The following CNTN4 variants were observed in gnomAD, a reference collection of about 807,000 sequenced individuals.
CNTN4 encodes the protein contactin-4.
A neutral mutation model predicts 122.5 loss-of-function variants in CNTN4; 77 were observed. That is an observed-to-expected ratio of 0.63 (90% CI 0.52 to 0.76). The LOEUF (loss-of-function observed/expected upper bound fraction) is 0.76, where lower values mean the gene tolerates loss of function less well. Among genes scored for constraint, CNTN4 ranks in the 30% least tolerant of loss-of-function variants. The probability of loss-of-function intolerance (pLI) is 0.00; values close to 1 mark genes in which losing one functional copy is unlikely to be tolerated. For synonymous variants in CNTN4, 512 were observed against 447.0 expected (o/e 1.15, Z -1.83); for missense variants, 1,256 against 1,259.1 (o/e 1.00, Z 0.04).
intron 8 of CNTN4, among the ~76,000 whole-genome samples, chr3:2,873,538 A>G (rs2093809949): frequency 6.6e-6 from 1 of 152,230 alleles, no homozygotes; most frequent in Non-Finnish European, 1.5e-5. Context: ...TTAAAATAGA[A>G]AGCAGAAAAC....
At chr3:2,434,047 T>G (rs992623706) in intron 3 of CNTN4, among the ~76,000 whole-genome samples, 1 of 152,060 alleles carries the variant, frequency 6.6e-6, no homozygotes, top group Non-Finnish European at 1.5e-5. Flanking sequence ...GGGTGCAAAG[T>G]TTAATTTAGA....
intron 6 of CNTN4, among the ~76,000 whole-genome samples, chr3:2,763,903 A>G (rs894996934): frequency 6.7e-6 from 1 of 150,328 alleles, no homozygotes; most frequent in Admixed American, 6.6e-5. Context: ...TATAGTTTGA[A>G]GTTGGGTAGC....
At chr3:3,007,898 C>A (rs9815505) in intron 14 of CNTN4, among the ~76,000 whole-genome samples, 41,006 of 151,960 alleles carry the variant, frequency 0.27, 6,070 homozygotes, top group African/African-American at 0.38. Flanking sequence ...AACCCAAGAC[C>A]ATCCTGGGCA....
At chr3:2,896,692 A>G (rs1053494064) in intron 10 of CNTN4, among the ~76,000 whole-genome samples, 1 of 152,180 alleles carries the variant, frequency 6.6e-6, no homozygotes, top group African/African-American at 2.4e-5. Flanking sequence ...GATTCTGTCA[A>G]TTGCATAAGA....
intron 2 of CNTN4, among the ~76,000 whole-genome samples, chr3:2,327,270 A>G (rs1445109175): frequency 6.6e-6 from 1 of 152,086 alleles, no homozygotes; most frequent in Non-Finnish European, 1.5e-5. Flanking sequence ...TTCCAAATTG[A>G]TGGATTTTGC....
intron 14 of CNTN4, among the ~76,000 whole-genome samples, chr3:2,995,057 A>C (rs1416135982): frequency 6.6e-6 from 1 of 152,188 alleles, no homozygotes. Flanking sequence ...GTAGGAAGGA[A>C]AAGTTTGTCA....
intron 4 of CNTN4, among the ~76,000 whole-genome samples, chr3:2,725,280 C>A (rs2088145581): frequency 6.6e-6 from 1 of 152,094 alleles, no homozygotes; most frequent in Admixed American, 6.6e-5. Context: ...TGTAGATCAC[C>A]TGCATCTGTA....
intron 4 of CNTN4, among the ~76,000 whole-genome samples, chr3:2,689,689 C>T (rs1454284299): frequency 6.6e-6 from 1 of 152,066 alleles, no homozygotes; most frequent in African/African-American, 2.4e-5. Context: ...GAAATCCACT[C>T]TAGAATTAGC....
intron 2 of CNTN4, among the ~76,000 whole-genome samples, chr3:2,302,683 T>C (rs2042566895): frequency 6.6e-6 from 1 of 152,218 alleles, no homozygotes; most frequent in Admixed American, 6.5e-5. Context: ...ATTTTATCAT[T>C]GGAAATGCAT....
At position 2,590,981 on chromosome 3, in the gene CNTN4, A is replaced by G. The variant is rs202194970; in HGVS notation, c.55+19423A>G. ...GCATATAACTGTGAAATCATCATCA[A>G]TATTCGAAATAATGCATCACTCCAG... On this transcript the variant is annotated intron_variant, in intron 4 of 24. Transcript: ENST00000418658. Among the ~76,000 whole-genome samples the G allele has an allele frequency of 3.9e-5, 6 of 152,300 alleles. No individual in the cohort carries two copies. The East Asian group carries it at 5.8e-4, about 15-fold the overall frequency.
intron 2 of CNTN4, among the ~76,000 whole-genome samples, chr3:2,135,069 G>C (rs991861319): frequency 6.6e-6 from 1 of 152,146 alleles, no homozygotes; most frequent in Non-Finnish European, 1.5e-5. Context: ...TAGTATCAAG[G>C]CTGGGAAACC....
intron 4 of CNTN4, among the ~76,000 whole-genome samples, chr3:2,607,397 T>C (rs111226689): frequency 1.3e-5 from 2 of 152,100 alleles, no homozygotes; most frequent in African/African-American, 4.8e-5. Context: ...TAACTGTCCA[T>C]ACAAAAAGGG....
chr3:2,150,494 T>C (rs1381890679), intron 2 of CNTN4, among the ~76,000 whole-genome samples: 1 of 152,210 alleles, frequency 6.6e-6, no homozygotes, highest in East Asian at 1.9e-4. Context: ...TTCCCCCTTG[T>C]TGGAGAAATC....
intron 6 of CNTN4, among the ~76,000 whole-genome samples, chr3:2,784,901 G>T (rs1229478749): frequency 6.6e-6 from 1 of 152,196 alleles, no homozygotes; most frequent in Non-Finnish European, 1.5e-5. Flanking sequence ...GCTGGTATGA[G>T]TATAGGGAAG....
chr3:2,315,484 AT>A (rs1031966796), intron 2 of CNTN4, among the ~76,000 whole-genome samples: 2 of 151,600 alleles, frequency 1.3e-5, no homozygotes, highest in African/African-American at 4.8e-5. Context: ...TAACAGTATT[AT>A]TTTTTTTAAT....
chr3:3,039,106 C>A, intron 19 of CNTN4, 103 bp downstream of exon 19: 1 of 1,031,672 alleles, frequency 9.7e-7, no homozygotes, highest in African/African-American at 1.6e-5. Flanking sequence ...CTGTTTTTAA[C>A]AGTGAAAATT....
chr3:2,227,970 A>G (rs1485518242), intron 2 of CNTN4, among the ~76,000 whole-genome samples: 2 of 152,190 alleles, frequency 1.3e-5, no homozygotes, highest in Admixed American at 6.5e-5. Context: ...TATTAGAAGT[A>G]AAGTATTACT....
intron 2 of CNTN4, among the ~76,000 whole-genome samples, chr3:2,299,100 C>G (rs1393989727): frequency 6.6e-6 from 1 of 152,088 alleles, no homozygotes; most frequent in Non-Finnish European, 1.5e-5. Context: ...AGACAAGTAA[C>G]TGTGCTAATA....
Position 2,795,610 on chromosome 3 carries a change from T to C in CNTN4, c.359-23876T>C, listed in dbSNP as rs1220295495. 2.0e-5 allele frequency among the ~76,000 whole-genome samples: 3 copies of C among 151,192 alleles called. No homozygotes were observed. In the East Asian group the frequency reaches 5.8e-4, roughly 29 times the overall value. On this transcript the variant is annotated intron_variant, in intron 6 of 24. Coordinates refer to ENST00000418658, the MANE Select transcript of CNTN4 (RefSeq NM_175607.3). Reference sequence around the variant, plus strand: ...ATCTCGGCTCAGTGCAAGCTCTGCCTCCCGGGTTCACGCCATTCTCCTGCC... The same window carrying C: ...ATCTCGGCTCAGTGCAAGCTCTGCCCCCCGGGTTCACGCCATTCTCCTGCC...
Sources: allele counts gnomAD v4.1 joint callset (sites outside exome capture counted in the v4.1 genomes callset), GRCh38; gene constraint gnomAD v4.1.1; transcripts MANE v1.5; gene names NCBI Gene and HGNC (gene_info 2026-07-23, HGNC 2026-07-21).